The following EOGT variants were observed in gnomAD, a reference collection of about 807,000 sequenced individuals.
EOGT encodes EGF domain specific O-linked N-acetylglucosamine transferase.
Under a neutral mutation model 70.5 loss-of-function variants are expected in EOGT, and 55 were observed. The ratio of observed to expected loss-of-function variants is 0.78; its 90% CI spans 0.63 to 0.98. EOGT has a LOEUF of 0.98. Ranked by LOEUF, EOGT falls within the 50% of genes least tolerant of loss-of-function variation. EOGT has a pLI of 0.00. For missense variants in EOGT, 703 were observed against 641.9 expected (o/e 1.10, Z -1.03); for synonymous variants, 246 against 217.1 (o/e 1.13, Z -1.17).
intron 17 of EOGT, among the ~76,000 whole-genome samples, chr3:68,978,085 C>G (rs766628622): frequency 6.6e-6 from 1 of 152,232 alleles, no homozygotes; most frequent in Non-Finnish European, 1.5e-5. Context: ...TTGATCCCGT[C>G]TCTATATATA....
chr3:68,992,928 C>A (rs192566060), intron 10 of EOGT, among the ~76,000 whole-genome samples: 22 of 152,290 alleles, frequency 1.4e-4, no homozygotes, highest in African/African-American at 5.3e-4. Flanking sequence ...ACATTGGCTC[C>A]TTTCAGCCAT....
At chr3:68,979,311 T>C (rs181824455) in intron 16 of EOGT, among the ~76,000 whole-genome samples, 19 of 152,348 alleles carry the variant, frequency 1.2e-4, no homozygotes, top group African/African-American at 4.6e-4. Flanking sequence ...AGCTATGTCG[T>C]GCATGAGACA....
intron 6 of EOGT, among the ~76,000 whole-genome samples, chr3:69,006,192 G>T (rs1169981971): frequency 6.6e-6 from 1 of 152,212 alleles, no homozygotes; most frequent in African/African-American, 2.4e-5. Flanking sequence ...GATAGGGGTT[G>T]TCATTATTAT....
intron 10 of EOGT, among the ~76,000 whole-genome samples, chr3:68,997,792 A>T (rs1398622138): frequency 6.6e-6 from 1 of 152,244 alleles, no homozygotes; most frequent in East Asian, 1.9e-4. Flanking sequence ...TCATTCTAAA[A>T]TTCAAAGAAT....
At position 68,977,670 on chromosome 3, in the gene EOGT, T is replaced by G; in HGVS notation, c.1532A>C (p.His511Pro). The stretch of plus-strand genomic sequence containing the variant: ...TGGCCACTTTGGGTGTTGCAATACG[T>G]GGTCTGCAGCCTGAAGGACAAGATA... ...FMYLVLQAADHVLQHPKWPFK... is the reference protein window; with the variant it reads ...FMYLVLQAADPVLQHPKWPFK... Residue 511 changes from histidine (H) to proline (P), a missense_variant, in exon 18 of 18, where the codon CAC becomes CCC. Transcript: ENST00000383701. 6.2e-7 allele frequency: 1 copy of G among 1,614,016 alleles called. No individual in the cohort carries two copies. The highest frequency in any genetic ancestry group is 1.1e-5 in the South Asian group (1 of 91,032).
chr3:68,982,799 GC>G lies in EOGT; in HGVS notation c.1214+11del. The G allele has an allele frequency of 6.3e-7, 1 of 1,593,166 alleles. No homozygotes were observed. The highest frequency in any genetic ancestry group is 1.1e-5 in the South Asian group (1 of 87,626). ...AAGTTGACAGTGTCTGCTGAGATTG[GC>G]TATTACTTACCTATACTTGTAATCA... On this transcript the variant is annotated intron_variant, in intron 15 of 17. Coordinates refer to ENST00000383701, the MANE Select transcript of EOGT (RefSeq NM_001278689.2).
chr3:68,988,095 T>C (rs1044237207), intron 13 of EOGT, among the ~76,000 whole-genome samples, 200 bp downstream of exon 13: 42 of 152,294 alleles, frequency 2.8e-4, no homozygotes, highest in Non-Finnish European at 1.2e-4. Context: ...TTGTATTTTT[T>C]GCAGAGATGG....
At chr3:68,981,956 G>C (rs2090657092) in intron 15 of EOGT, among the ~76,000 whole-genome samples, 1 of 151,770 alleles carries the variant, frequency 6.6e-6, no homozygotes, top group African/African-American at 2.4e-5. Context: ...ACACAGGCCG[G>C]AGTGCAATGG....
At chr3:68,985,539 T>C (rs1013444987) in intron 14 of EOGT, among the ~76,000 whole-genome samples, 1 of 152,216 alleles carries the variant, frequency 6.6e-6, no homozygotes, top group Non-Finnish European at 1.5e-5. Context: ...CAAGTCACAC[T>C]TGATCCTTGA....
chr3:68,995,666 A>G (rs1478079817), intron 10 of EOGT, among the ~76,000 whole-genome samples: 1 of 152,194 alleles, frequency 6.6e-6, no homozygotes, highest in Non-Finnish European at 1.5e-5. Context: ...AAAAGCATGC[A>G]ACAGGTACAA....
chr3:69,011,547 A>C (rs1180369763), intron 3 of EOGT, among the ~76,000 whole-genome samples: 2 of 147,256 alleles, frequency 1.4e-5, no homozygotes, highest in Non-Finnish European at 3.0e-5. Flanking sequence ...GTGAGTCGTG[A>C]TCTCGCCACT....
At chr3:69,003,518 T>C (rs946944694) in intron 8 of EOGT, among the ~76,000 whole-genome samples, 26 of 152,306 alleles carry the variant, frequency 1.7e-4, no homozygotes, top group African/African-American at 6.3e-4. Flanking sequence ...TGTTCCTCCT[T>C]TGCCTTCTAC....
At chr3:68,989,464 C>T (rs5019847) in intron 10 of EOGT, among the ~76,000 whole-genome samples, 55,118 of 151,826 alleles carry the variant, frequency 0.36, 10,478 homozygotes, top group East Asian at 0.54. Flanking sequence ...AGTTTTAACA[C>T]TGGCTGGGTG....
Position 69,007,710 on chromosome 3 carries a change from C to A in EOGT, c.420+3G>T, listed in dbSNP as rs778837106. 5.7e-6 allele frequency: 9 copies of A among 1,572,624 alleles called. No homozygotes were observed. The highest frequency in any genetic ancestry group is 1.2e-5 in the South Asian group (1 of 86,808). On this transcript the variant is annotated splice_donor_region_variant and intron_variant, in intron 6 of 17. Transcript: ENST00000383701. ...TTTATTTAGTAAGGAGCAAAATACC[C>A]ACCGTTTCCTTAGGCTGACAGAGCA...
rs1052075373 is a variant in EOGT at position 68,977,498 on chromosome 3, G to A, written c.*120C>T. ...ACACATAACAATATCCTGAAGGTAT[G>A]TTTTGGCATAGAAAAGGTAATTCGG... On this transcript the variant is annotated 3_prime_UTR_variant, in exon 18 of 18. Transcript: ENST00000383701. 2.0e-6 allele frequency: 2 copies of A among 1,022,592 alleles called. No homozygotes were observed. Among genetic ancestry groups the A allele is most frequent in the African/African-American group, 3.2e-5 (2 of 61,796 alleles). The allele number at this position is 1,022,592 out of a possible 1,614,324, so 63.3% of individuals were successfully genotyped here.
Position 68,982,866 on chromosome 3 carries a change from T to G in EOGT, c.1159A>C (p.Asn387His). 3.1e-6 allele frequency: 5 copies of G among 1,601,758 alleles called. No individual in the cohort carries two copies. The highest frequency in any genetic ancestry group is 4.3e-6 in the Non-Finnish European group (5 of 1,174,080). Residue 387 changes from asparagine to histidine, a missense_variant, in exon 15 of 18, where the codon AAT (asparagine) becomes CAT (histidine). Physicochemically the swap from Asn to His is moderately conservative, Grantham distance 68. Coordinates refer to ENST00000383701, the MANE Select transcript of EOGT (RefSeq NM_001278689.2). ...RKILNQNELV[N>H]ALKTVSTFEV... Reference sequence around the variant, plus strand: ...AATGTAGATACTGTTTTCAGTGCATTTACAAGCTGGGAAAAAAAGAGAAAC... The same window carrying G: ...AATGTAGATACTGTTTTCAGTGCATGTACAAGCTGGGAAAAAAAGAGAAAC...
In EOGT at chr3:68,998,002, C is replaced by T. The variant is rs781330680; in HGVS notation, c.831+9G>A. The stretch of plus-strand genomic sequence containing the variant: ...ACAGTACTGAAGCGGAGAGCACATT[C>T]TTACTTACGGTGTCCCACATCACGA... On this transcript the variant is annotated intron_variant, in intron 10 of 17. Coordinates refer to ENST00000383701, the MANE Select transcript of EOGT (RefSeq NM_001278689.2). 1.4e-6 allele frequency: 2 copies of T among 1,464,724 alleles called. No homozygotes were observed. Among genetic ancestry groups the T allele is most frequent in the Non-Finnish European group, 1.9e-6 (2 of 1,066,578 alleles). The allele number at this position is 1,464,724 out of a possible 1,614,324, so 90.7% of individuals were successfully genotyped here. A position where few individuals can be genotyped will look rare whatever the true frequency, so the allele number is the denominator to read the frequency against.
In EOGT at chr3:69,007,797, C is replaced by T. The variant is rs752655135; in HGVS notation, c.336G>A (p.Glu112=). The T allele has an allele frequency of 3.1e-6, 5 of 1,612,240 alleles. No individual in the cohort carries two copies. The highest frequency in any genetic ancestry group is 4.2e-6 in the Non-Finnish European group (5 of 1,178,912). The stretch of plus-strand genomic sequence containing the variant: ...AGTCAGCTTGTTTCCAAAATATGTC[C>T]TCAGCTGACTCAAGAGTGTCCGTCC... ...MGWTDTLESA[E]DIFWKQADFG... The change falls in exon 6 of 18, where the codon GAG becomes GAA. Residue 112 remains glutamate, a synonymous_variant. Transcript: ENST00000383701.
intron 14 of EOGT, among the ~76,000 whole-genome samples, chr3:68,987,086 C>T (rs552419826): frequency 9.2e-5 from 14 of 152,288 alleles, no homozygotes; most frequent in Non-Finnish European, 1.6e-4. Flanking sequence ...CTGCTGATAC[C>T]ACAGGATTAA....
Sources: allele counts gnomAD v4.1 joint callset (sites outside exome capture counted in the v4.1 genomes callset), GRCh38; gene constraint gnomAD v4.1.1; transcripts MANE v1.5; gene names NCBI Gene and HGNC (gene_info 2026-07-23, HGNC 2026-07-21).